OTUD7B: variants seen among roughly 807,000 people sequenced by gnomAD.
The protein encoded by OTUD7B is OTU deubiquitinase 7B.
Under a neutral mutation model 82.2 loss-of-function variants are expected in OTUD7B, and 34 were observed. The observed-to-expected ratio is 0.41, with a 90% confidence interval of 0.31 to 0.55. The LOEUF is 0.55. Among genes scored for constraint, OTUD7B ranks in the 20% least tolerant of loss-of-function variants. The probability of loss-of-function intolerance (pLI) is 0.20; values close to 1 mark genes in which losing one functional copy is unlikely to be tolerated. For missense variants in OTUD7B, 944 were observed against 1,062.1 expected (o/e 0.89, Z 1.55); for synonymous variants, 398 against 402.7 (o/e 0.99, Z 0.14).
the OTUD7B span, among the ~76,000 whole-genome samples, chr1:150,059,048 C>CTTTTTT: frequency 2.5e-4 from 35 of 140,986 alleles, no homozygotes; most frequent in African/African-American, 8.5e-4. Flanking sequence ...TTCTTACTTT[C>CTTTTTT]TTTTCTTTTT....
chr1:149,988,360 CTAT>C (rs1651305015), intron 1 of OTUD7B, among the ~76,000 whole-genome samples: 1 of 152,134 alleles, frequency 6.6e-6, no homozygotes, highest in African/African-American at 2.4e-5. Context: ...AAAAATTTAA[CTAT>C]TTTTTCAAGA....
chr1:149,992,476 T>G (rs1396915575), intron 1 of OTUD7B, among the ~76,000 whole-genome samples: 6 of 1,576 alleles, frequency 3.8e-3, no homozygotes, highest in African/African-American at 4.3e-3. Context: ...TGTTTTTTTT[T>G]TTTTTTTTTT....
chr1:149,948,607 T>C (rs1451542746), intron 10 of OTUD7B, among the ~76,000 whole-genome samples: 3 of 152,144 alleles, frequency 2.0e-5, no homozygotes, highest in East Asian at 1.9e-4. Flanking sequence ...CCTGACCTCG[T>C]GATCCACCCA....
intron 1 of OTUD7B, among the ~76,000 whole-genome samples, chr1:150,004,549 A>T (rs1652528349): frequency 6.6e-6 from 1 of 151,968 alleles, no homozygotes; most frequent in Non-Finnish European, 1.5e-5. Flanking sequence ...TGGACAACAG[A>T]GCAAGACCCT....
At position 149,973,475 on chromosome 1, in the gene OTUD7B, C is replaced by CTGT. The variant is rs143050781; in HGVS notation, c.86-2227_86-2225dup. 1.2e-4 allele frequency among the ~76,000 whole-genome samples: 18 copies of CTGT among 152,190 alleles called. No individual in the cohort carries two copies. The South Asian group carries it at 1.4e-3, about 12-fold the overall frequency. On this transcript the variant is annotated intron_variant, in intron 2 of 11. Coordinates refer to ENST00000581312, the MANE Select transcript of OTUD7B (RefSeq NM_020205.4). ...GTCCTATTGAAATACAATCAGTTAA[C>CTGT]TGTTGTTGTTGTTGTTATTGTTGTT...
the OTUD7B span, among the ~76,000 whole-genome samples, chr1:150,058,148 T>C: frequency 6.6e-6 from 1 of 152,212 alleles, no homozygotes; most frequent in African/African-American, 2.4e-5. Context: ...CCCAATAATC[T>C]TGACCCTCTA....
intron 1 of OTUD7B, among the ~76,000 whole-genome samples, chr1:149,988,023 G>A (rs782576710): frequency 1.1e-4 from 17 of 151,954 alleles, no homozygotes; most frequent in Non-Finnish European, 2.4e-4. Context: ...CTCATTCCAG[G>A]TTCAAAGATT....
chr1:150,058,510 T>C, the OTUD7B span, among the ~76,000 whole-genome samples: 4 of 152,092 alleles, frequency 2.6e-5, no homozygotes, highest in Admixed American at 6.6e-5. Context: ...TGTTTATTTT[T>C]TGAGACTGGG....
At chr1:149,994,453 C>T (rs587775193) in intron 1 of OTUD7B, among the ~76,000 whole-genome samples, 6 of 151,876 alleles carry the variant, frequency 4.0e-5, no homozygotes, top group South Asian at 4.2e-4. Flanking sequence ...TGGTGGCATG[C>T]GCCTGTAAAC....
intron 1 of OTUD7B, among the ~76,000 whole-genome samples, chr1:150,001,587 G>A (rs1652288232): frequency 6.6e-6 from 1 of 152,162 alleles, no homozygotes; most frequent in African/African-American, 2.4e-5. Flanking sequence ...AGCCAAGAAA[G>A]CTTCCAGTTA....
At chr1:149,997,775 A>G (rs587620871) in intron 1 of OTUD7B, among the ~76,000 whole-genome samples, 154 of 152,344 alleles carry the variant, frequency 1.0e-3, no homozygotes, top group Non-Finnish European at 1.8e-3. Context: ...AAACCTCACC[A>G]TAATGTGGTC....
At chr1:150,017,609 A>G in the OTUD7B span, among the ~76,000 whole-genome samples, 4 of 152,194 alleles carry the variant, frequency 2.6e-5, no homozygotes, top group Admixed American at 2.6e-4. Context: ...TAGCTCAGGC[A>G]ATGAGGAGAG....
intron 1 of OTUD7B, among the ~76,000 whole-genome samples, chr1:149,986,278 T>C (rs1247743722): frequency 2.7e-5 from 4 of 147,058 alleles, no homozygotes; most frequent in African/African-American, 1.1e-4. Context: ...CACACAGTAC[T>C]GTTGATAGTC....
rs931129288 is a variant in OTUD7B, at chr1:149,944,219, G to A, written c.2170C>T (p.Leu724=). 1 of 1,613,228 alleles carries A rather than the reference G, an allele frequency of 6.2e-7. No homozygotes were observed. The highest frequency in any genetic ancestry group is 8.5e-7 in the Non-Finnish European group (1 of 1,179,424). Residue 724 remains leucine, a synonymous_variant, in exon 12 of 12, where the codon CTA becomes TTA. Coordinates refer to ENST00000581312, the MANE Select transcript of OTUD7B (RefSeq NM_020205.4). ...QLAGGPCVGG[L]PPYATFPRQC... ...CTGGGGAAGGTGGCATATGGTGGTA[G>A]GCCCCCGACACATGGACCCCCTGCC...
At chr1:150,051,109 A>ATCCTC in the OTUD7B span, among the ~76,000 whole-genome samples, 2 of 151,122 alleles carry the variant, frequency 1.3e-5, no homozygotes, top group South Asian at 4.2e-4. Context: ...GGAGCCTGTA[A>ATCCTC]TCCCAGCTAC....
chr1:150,007,264 G>C (rs983327244), intron 1 of OTUD7B, among the ~76,000 whole-genome samples: 3 of 152,092 alleles, frequency 2.0e-5, no homozygotes, highest in Non-Finnish European at 4.4e-5. Flanking sequence ...AAGTTAACTT[G>C]TCCAAGGTCA....
upstream of OTUD7B, among the ~76,000 whole-genome samples, chr1:150,011,933 CAG>C (rs1386420178): frequency 6.6e-6 from 1 of 152,164 alleles, no homozygotes; most frequent in Non-Finnish European, 1.5e-5. Flanking sequence ...ACACCTGAAA[CAG>C]GGAAACTTCC....
the OTUD7B span, among the ~76,000 whole-genome samples, chr1:150,061,068 A>G: frequency 6.6e-6 from 1 of 151,400 alleles, no homozygotes; most frequent in Non-Finnish European, 1.5e-5. Context: ...TTTTTTGTTT[A>G]ATTTGTAGAG....
the OTUD7B span, among the ~76,000 whole-genome samples, chr1:150,032,473 A>AAAAAAAG: frequency 1.4e-5 from 2 of 147,128 alleles, no homozygotes; most frequent in African/African-American, 5.0e-5. Flanking sequence ...CAGAAAAAAA[A>AAAAAAAG]AAAAAAAAAA....
Sources: gnomAD v4.1 joint callset for allele counts (sites outside exome capture counted in the v4.1 genomes callset) on GRCh38, gnomAD v4.1.1 for gene constraint, MANE v1.5 for transcripts, NCBI Gene and HGNC (gene_info 2026-07-23, HGNC 2026-07-21) for gene names.